LRRC4C: variants seen among roughly 807,000 people sequenced by gnomAD.
LRRC4C encodes leucine rich repeat containing 4C, also known as leucine-rich repeat-containing protein 4C.
A neutral mutation model predicts 33.6 loss-of-function variants in LRRC4C; 5 were observed. The ratio of observed to expected loss-of-function variants is 0.15; its 90% confidence interval spans 0.08 to 0.31. LRRC4C has a LOEUF of 0.31. Among genes scored for constraint, LRRC4C ranks in the 10% least tolerant of loss-of-function variants. LRRC4C has a pLI of 1.00. For missense variants in LRRC4C, 560 were observed against 796.7 expected, an observed-to-expected ratio of 0.70 and a Z score of 3.58; for synonymous variants, 329 against 302.0, an observed-to-expected ratio of 1.09 and a Z score of -0.93.
intron 1 of LRRC4C, among the ~76,000 whole-genome samples, chr11:41,390,201 A>G (rs2137989154): frequency 6.6e-6 from 1 of 152,070 alleles, no homozygotes; most frequent in African/African-American, 2.4e-5. Flanking sequence ...CTTATCTCCT[A>G]CATATGCAAA....
At chr11:41,082,769 A>T (rs1385558156) in intron 1 of LRRC4C, among the ~76,000 whole-genome samples, 1 of 151,696 alleles carries the variant, frequency 6.6e-6, no homozygotes, top group Non-Finnish European at 1.5e-5. Context: ...TCATATTCTG[A>T]TATGATTTCT....
intron 4 of LRRC4C, among the ~76,000 whole-genome samples, chr11:40,301,928 C>A (rs1335692716): frequency 2.0e-5 from 3 of 152,122 alleles, no homozygotes; most frequent in African/African-American, 7.2e-5. Flanking sequence ...ATGATATTGA[C>A]ACCGAAATGG....
At chr11:41,003,829 A>T (rs2137421831) in intron 1 of LRRC4C, among the ~76,000 whole-genome samples, 1 of 152,036 alleles carries the variant, frequency 6.6e-6, no homozygotes, top group Non-Finnish European at 1.5e-5. Flanking sequence ...CCTGGCTCTG[A>T]GGGGTACCTT....
chr11:41,401,173 T>G (rs1036669032), intron 1 of LRRC4C, among the ~76,000 whole-genome samples: 2 of 151,912 alleles, frequency 1.3e-5, no homozygotes, highest in East Asian at 3.9e-4. Flanking sequence ...AAGGATGTAC[T>G]GTACTATTTA....
intron 3 of LRRC4C, among the ~76,000 whole-genome samples, chr11:40,543,718 C>T (rs371071902): frequency 2.6e-5 from 4 of 151,884 alleles, no homozygotes; most frequent in East Asian, 1.9e-4. Context: ...GGAGAAAAGT[C>T]GAAGAATGAG....
At chr11:40,369,340 G>C (rs1194422371) in intron 3 of LRRC4C, among the ~76,000 whole-genome samples, 2 of 152,042 alleles carry the variant, frequency 1.3e-5, no homozygotes, top group African/African-American at 4.8e-5. Context: ...TTTGGTTGTT[G>C]TTGTTGTTGT....
chr11:40,558,365 A>T (rs1209897956), intron 3 of LRRC4C, among the ~76,000 whole-genome samples: 1 of 152,220 alleles, frequency 6.6e-6, no homozygotes, highest in Non-Finnish European at 1.5e-5. Flanking sequence ...GTAATTCTGA[A>T]AGTGTGTTGT....
chr11:40,388,136 C>A (rs1228306288), intron 3 of LRRC4C, among the ~76,000 whole-genome samples: 1 of 152,072 alleles, frequency 6.6e-6, no homozygotes, highest in Non-Finnish European at 1.5e-5. Flanking sequence ...ACTTATTTAA[C>A]CTTCGTTTGG....
chr11:40,713,256 G>A (rs1044702134), intron 2 of LRRC4C, among the ~76,000 whole-genome samples: 4 of 152,070 alleles, frequency 2.6e-5, no homozygotes, highest in Admixed American at 2.6e-4. Context: ...GGCAGACTAA[G>A]TTCCTAACTA....
chr11:40,667,305 G>A (rs1240555585), intron 2 of LRRC4C, among the ~76,000 whole-genome samples: 1 of 152,120 alleles, frequency 6.6e-6, no homozygotes, highest in Admixed American at 6.5e-5. Context: ...TGTTATATAT[G>A]AATGATTTTC....
chr11:40,216,686 CT>C (rs1403811719), intron 5 of LRRC4C, among the ~76,000 whole-genome samples: 1 of 152,142 alleles, frequency 6.6e-6, no homozygotes, highest in East Asian at 1.9e-4. Context: ...TAAAAGCGTT[CT>C]GTGAATTTCC....
At chr11:40,770,689 G>T (rs759920767) in intron 2 of LRRC4C, among the ~76,000 whole-genome samples, 2 of 152,194 alleles carry the variant, frequency 1.3e-5, no homozygotes, top group Non-Finnish European at 2.9e-5. Flanking sequence ...TGAGGGTATA[G>T]GTACTGGATC....
intron 3 of LRRC4C, among the ~76,000 whole-genome samples, chr11:40,358,552 A>T (rs994514150): frequency 2.6e-5 from 4 of 152,102 alleles, no homozygotes; most frequent in Non-Finnish European, 5.9e-5. Flanking sequence ...AAGTGCTGGG[A>T]TTACAGGTAT....
At chr11:40,266,337 G>A (rs1409994555) in intron 4 of LRRC4C, among the ~76,000 whole-genome samples, 6 of 151,666 alleles carry the variant, frequency 4.0e-5, no homozygotes, top group Admixed American at 2.0e-4. Context: ...AAAAGAAGGC[G>A]GCGGCGAATG....
intron 2 of LRRC4C, among the ~76,000 whole-genome samples, chr11:40,799,809 A>G (rs936059128): frequency 3.9e-5 from 6 of 152,204 alleles, no homozygotes; most frequent in Non-Finnish European, 8.8e-5. Flanking sequence ...TTTGGGCACA[A>G]TAACTTCTCT....
intron 3 of LRRC4C, among the ~76,000 whole-genome samples, chr11:40,395,252 AC>A (rs776488730): frequency 2.9e-4 from 44 of 152,216 alleles, no homozygotes; most frequent in Admixed American, 7.2e-4. Flanking sequence ...TTGGTGATAA[AC>A]TTTTGGCATT....
At chr11:41,035,994 T>G (rs950457780) in intron 1 of LRRC4C, among the ~76,000 whole-genome samples, 4 of 152,148 alleles carry the variant, frequency 2.6e-5, no homozygotes, top group African/African-American at 9.6e-5. Flanking sequence ...TATAGAAATG[T>G]AACTATACAA....
At chr11:41,070,227 G>A (rs1938575711) in intron 1 of LRRC4C, among the ~76,000 whole-genome samples, 1 of 152,142 alleles carries the variant, frequency 6.6e-6, no homozygotes, top group Admixed American at 6.6e-5. Context: ...GCAGAAAACT[G>A]AAACTGGAGC....
intron 2 of LRRC4C, among the ~76,000 whole-genome samples, chr11:40,916,524 AC>A (rs2136319464): frequency 6.6e-6 from 1 of 152,212 alleles, no homozygotes; most frequent in East Asian, 1.9e-4. Flanking sequence ...AGGAAGGGGA[AC>A]ATCACACAGC....
Sources: gnomAD v4.1 joint callset for allele counts (sites outside exome capture counted in the v4.1 genomes callset) on GRCh38, gnomAD v4.1.1 for gene constraint, MANE v1.5 for transcripts, NCBI Gene and HGNC (gene_info 2026-07-23, HGNC 2026-07-21) for gene names.